The following KCNIP1 variants were observed in gnomAD, a reference collection of about 807,000 sequenced individuals.
KCNIP1 encodes the protein potassium voltage-gated channel interacting protein 1.
A neutral mutation model predicts 33.0 loss-of-function variants in KCNIP1; 18 were observed. The ratio of observed to expected loss-of-function variants is 0.55; its 90% CI spans 0.38 to 0.81. The LOEUF (loss-of-function observed/expected upper bound fraction) is 0.81, where lower values mean the gene tolerates loss of function less well. KCNIP1 is among the 30% of genes least tolerant of loss of function. The probability of loss-of-function intolerance (pLI) is 0.00; values close to 1 mark genes in which losing one functional copy is unlikely to be tolerated. For synonymous variants in KCNIP1, 93 were observed against 98.3 expected (o/e 0.95, Z 0.32); for missense variants, 238 against 271.6 (o/e 0.88, Z 0.87).
chr5:170,492,580 G>A (rs1183747654), intron 1 of KCNIP1, among the ~76,000 whole-genome samples: 2 of 152,112 alleles, frequency 1.3e-5, no homozygotes, highest in Non-Finnish European at 1.5e-5. Flanking sequence ...AAAGTCTCAA[G>A]CTTCCAGTCA....
intron 5 of KCNIP1, among the ~76,000 whole-genome samples, chr5:170,723,468 G>A (rs1763900818): frequency 6.6e-6 from 1 of 152,064 alleles, no homozygotes; most frequent in African/African-American, 2.4e-5. Context: ...CTGGAAATTG[G>A]CATCCTGTAA....
At chr5:170,669,489 C>A in intron 1 of KCNIP1, 1 of 980,984 alleles carries the variant, frequency 1.0e-6, no homozygotes, top group Non-Finnish European at 1.2e-6. Flanking sequence ...TATTCATTTT[C>A]TTTCCCCAGA....
At chr5:170,400,521 G>T (rs1195331088) in intron 1 of KCNIP1, among the ~76,000 whole-genome samples, 1 of 152,170 alleles carries the variant, frequency 6.6e-6, no homozygotes, top group Non-Finnish European at 1.5e-5. Context: ...TGAGATTTGG[G>T]TGGGGACACA....
At chr5:170,513,884 G>T (rs529750537) in intron 1 of KCNIP1, among the ~76,000 whole-genome samples, 11 of 152,214 alleles carry the variant, frequency 7.2e-5, no homozygotes, top group Non-Finnish European at 1.2e-4. Flanking sequence ...CTCTCTGTTG[G>T]TGGGGATCCC....
At chr5:170,402,779 G>A (rs1034179484) in intron 1 of KCNIP1, among the ~76,000 whole-genome samples, 3 of 152,156 alleles carry the variant, frequency 2.0e-5, no homozygotes, top group African/African-American at 4.8e-5. Context: ...GAGGCAGGGG[G>A]AAAGCACCAC....
At chr5:170,366,637 C>A (rs1224118009) in intron 1 of KCNIP1, among the ~76,000 whole-genome samples, 1 of 152,258 alleles carries the variant, frequency 6.6e-6, no homozygotes, top group Non-Finnish European at 1.5e-5. Flanking sequence ...CAGCGTGAGA[C>A]TCCTCCAAAT....
At chr5:170,583,769 T>A (rs1757884143) in intron 1 of KCNIP1, among the ~76,000 whole-genome samples, 1 of 152,226 alleles carries the variant, frequency 6.6e-6, no homozygotes, top group Admixed American at 6.5e-5. Context: ...CCAGAAATAT[T>A]TTCCGGCAGT....
In KCNIP1 at chr5:170,505,117, G is replaced by A. The variant is rs112574602; in HGVS notation, c.61+484G>A. On this transcript the variant is annotated intron_variant, in intron 1 of 7. Transcript: ENST00000328939. ...GTCTGCACCCCCAAAACCTCTGCAAGCCAAAAGGAATCAGCTGCTGCCAGG... is the reference window on the plus strand; with the variant it reads ...GTCTGCACCCCCAAAACCTCTGCAAACCAAAAGGAATCAGCTGCTGCCAGG... Among the ~76,000 whole-genome samples, 1,377 of 152,322 alleles carry A rather than the reference G, an allele frequency of 9.0e-3. 16 individuals are homozygous for A. Among genetic ancestry groups the A allele is most frequent in the African/African-American group, 0.031 (1,276 of 41,584 alleles).
chr5:170,379,057 C>G (rs573317127), intron 1 of KCNIP1: 7 of 1,509,180 alleles, frequency 4.6e-6, no homozygotes, highest in Admixed American at 2.0e-5. Context: ...AGAAAAATAC[C>G]AGCTTTGTAG....
intron 1 of KCNIP1, among the ~76,000 whole-genome samples, chr5:170,682,038 T>C (rs898098462): frequency 1.3e-5 from 2 of 152,210 alleles, no homozygotes; most frequent in African/African-American, 2.4e-5. Context: ...CACTGCATGG[T>C]GTAGACAGAA....
At chr5:170,710,189 T>C (rs1376018251) in intron 1 of KCNIP1, among the ~76,000 whole-genome samples, 1 of 152,234 alleles carries the variant, frequency 6.6e-6, no homozygotes, top group Non-Finnish European at 1.5e-5. Flanking sequence ...CTTTTCTCTC[T>C]TGTGCATCTG....
intron 1 of KCNIP1, among the ~76,000 whole-genome samples, chr5:170,572,528 A>C (rs954191101): frequency 6.6e-6 from 1 of 152,212 alleles, no homozygotes; most frequent in Non-Finnish European, 1.5e-5. Context: ...CGCTTAAAAG[A>C]TCAAGGCATA....
At position 170,504,589 on chromosome 5, in the gene KCNIP1, G is replaced by T; in HGVS notation, c.17G>T (p.Gly6Val). The T allele has an allele frequency of 6.2e-7, 1 of 1,613,686 alleles. No homozygotes were observed. Among genetic ancestry groups the T allele is most frequent in the South Asian group, 1.1e-5 (1 of 91,074 alleles). Residue 6 changes from glycine (G) to valine (V), a missense_variant, in exon 1 of 8, where the codon GGC (glycine) becomes GTC (valine). By Grantham distance (109) the Gly-to-Val change is moderately radical. Coordinates refer to ENST00000328939, the MANE Select transcript of KCNIP1 (RefSeq NM_014592.4). This position sits in a 1 kb window ranked among gnomAD's most constrained non-coding sequence, Gnocchi z 6.0. ...TTCGCTGCCATGGGGGCCGTCATGGGCACCTTCTCATCTCTGCAAACCAAA... is the reference window on the plus strand; with the variant it reads ...TTCGCTGCCATGGGGGCCGTCATGGTCACCTTCTCATCTCTGCAAACCAAA... The part of the protein sequence containing the change: MGAVM[G>V]TFSSLQTKQR...
chr5:170,461,788 A>G (rs1756507084), intron 1 of KCNIP1, among the ~76,000 whole-genome samples: 1 of 151,214 alleles, frequency 6.6e-6, no homozygotes, highest in Non-Finnish European at 1.5e-5. Context: ...GGAACAGAAG[A>G]GAGAACGCAG....
chr5:170,490,671 A>G (rs1757187026), intron 1 of KCNIP1, among the ~76,000 whole-genome samples: 2 of 152,114 alleles, frequency 1.3e-5, no homozygotes, highest in South Asian at 4.1e-4. Flanking sequence ...CTTTCAAAAG[A>G]AAAGGTTATT....
chr5:170,628,241 C>T (rs971919425), intron 1 of KCNIP1, among the ~76,000 whole-genome samples: 7 of 152,136 alleles, frequency 4.6e-5, no homozygotes, highest in Admixed American at 6.5e-5. Flanking sequence ...CGCCCTTCTC[C>T]CAGGCACACA....
At chr5:170,480,374 A>C (rs1756950460) in intron 1 of KCNIP1, among the ~76,000 whole-genome samples, 1 of 109,820 alleles carries the variant, frequency 9.1e-6, no homozygotes, top group East Asian at 2.4e-4. Flanking sequence ...ACTTGAGCTT[A>C]AATGTGGCCT....
intron 1 of KCNIP1, among the ~76,000 whole-genome samples, chr5:170,474,048 T>C (rs1756795637): frequency 6.6e-6 from 1 of 152,216 alleles, no homozygotes; most frequent in African/African-American, 2.4e-5. Context: ...TTGGCATTTT[T>C]CAAGCTAGTT....
chr5:170,550,476 GATGGTGATGACA>G (rs1756570973), intron 1 of KCNIP1, among the ~76,000 whole-genome samples: 3 of 152,128 alleles, frequency 2.0e-5, no homozygotes, highest in Non-Finnish European at 4.4e-5. Context: ...TGGTGATGAT[GATGGTGATGACA>G]ATGATGGTGA....
Sources: gnomAD v4.1 joint callset for allele counts (sites outside exome capture counted in the v4.1 genomes callset) on GRCh38, gnomAD v4.1.1 for gene constraint, Gnocchi (gnomAD v3.1) non-coding constraint, MANE v1.5 for transcripts, NCBI Gene and HGNC (gene_info 2026-07-23, HGNC 2026-07-21) for gene names.